The following TLN2 variants were observed in gnomAD, a reference collection of about 807,000 sequenced individuals.
TLN2 encodes the protein talin 2.
In TLN2, 118 loss-of-function variants were observed where a neutral mutation model predicts 294.7. That is an observed-to-expected ratio of 0.40 (90% CI 0.34 to 0.47). The LOEUF is 0.47. TLN2 is among the 20% of genes least tolerant of loss of function. The pLI, the probability that TLN2 is intolerant of heterozygous loss-of-function variation, is 0.84. For synonymous variants in TLN2, 1,431 were observed against 1,304.5 expected, an observed-to-expected ratio of 1.10 and a Z score of -2.09; for missense variants, 3,083 against 3,282.2, an observed-to-expected ratio of 0.94 and a Z score of 1.48.
intron 30 of TLN2, among the ~76,000 whole-genome samples, chr15:62,738,986 C>T (rs1046656246): frequency 6.6e-6 from 1 of 152,174 alleles, no homozygotes; most frequent in Non-Finnish European, 1.5e-5. Context: ...TAAAACTTAG[C>T]TTTCATCTTA....
intron 1 of TLN2, among the ~76,000 whole-genome samples, chr15:62,569,879 G>C (rs2043721535): frequency 6.6e-6 from 1 of 152,204 alleles, no homozygotes; most frequent in Non-Finnish European, 1.5e-5. Context: ...TTATATTTCA[G>C]GGTTAATAAT....
chr15:62,560,808 C>T (rs1325676916), intron 1 of TLN2, among the ~76,000 whole-genome samples: 1 of 152,234 alleles, frequency 6.6e-6, no homozygotes, highest in African/African-American at 2.4e-5. Context: ...GAGGGCAGCT[C>T]TGCAGGTGAT....
intron 54 of TLN2, among the ~76,000 whole-genome samples, chr15:62,825,832 ATATAATATATATAAATATATTATAT>A (rs2068100895): frequency 1.5e-4 from 1 of 6,560 alleles, no homozygotes; most frequent in Admixed American, 4.7e-3. Context: ...ATATTATAAT[ATATAATATATATAAATATATTATAT>A]ATATATATAT....
chr15:62,677,806 C>CTTTTTTTTTTTTT (rs3055781), intron 11 of TLN2, among the ~76,000 whole-genome samples: 31,645 of 74,020 alleles, frequency 0.43, 12,255 homozygotes, highest in Non-Finnish European at 0.55. Context: ...GCACTTGCAA[C>CTTTTTTTTTTTTT]TTTTTTTTTT....
chr15:62,668,807 C>G (rs2055044182), intron 9 of TLN2, among the ~76,000 whole-genome samples: 1 of 152,174 alleles, frequency 6.6e-6, no homozygotes, highest in African/African-American at 2.4e-5. Flanking sequence ...GCACCTGAAA[C>G]AGGGTTTGGC....
At chr15:62,717,534 A>G (rs938983) in intron 23 of TLN2, 42 bp from the exon 24 acceptor site, 1,178,344 of 1,367,300 alleles carry the variant, frequency 0.86, 512,051 homozygotes, top group East Asian at 0.96. Context: ...ATGCATGTAT[A>G]TTGCATATGC....
intron 2 of TLN2, among the ~76,000 whole-genome samples, chr15:62,599,330 G>T (rs1034144884): frequency 1.3e-5 from 2 of 152,290 alleles, no homozygotes; most frequent in East Asian, 3.9e-4. Flanking sequence ...GTGATAAGCA[G>T]TCCGAGGTTA....
intron 3 of TLN2, among the ~76,000 whole-genome samples, chr15:62,620,624 G>A (rs2048718429): frequency 6.6e-6 from 1 of 151,786 alleles, no homozygotes; most frequent in Admixed American, 6.6e-5. Flanking sequence ...CACTACAGGA[G>A]TGTGCCACCA....
At chr15:62,837,083 C>T (rs934927880) in intron 57 of TLN2, among the ~76,000 whole-genome samples, 1 of 152,112 alleles carries the variant, frequency 6.6e-6, no homozygotes, top group South Asian at 2.1e-4. Context: ...TGTAGATTGT[C>T]TGTATTGCTA....
intron 43 of TLN2, among the ~76,000 whole-genome samples, chr15:62,779,262 C>T (rs185697795): frequency 2.4e-4 from 36 of 152,256 alleles, no homozygotes; most frequent in South Asian, 4.1e-4. Context: ...TTCAAGCTCT[C>T]GGGACGTTGA....
chr15:62,416,731 C>T (rs997700299), intron 1 of TLN2, among the ~76,000 whole-genome samples: 1 of 152,168 alleles, frequency 6.6e-6, no homozygotes, highest in Non-Finnish European at 1.5e-5. Flanking sequence ...TGCCCCTTTG[C>T]CCAGAGGAGG....
chr15:62,799,123 C>G (rs900095538), intron 48 of TLN2, among the ~76,000 whole-genome samples: 1 of 152,170 alleles, frequency 6.6e-6, no homozygotes, highest in South Asian at 2.1e-4. Context: ...GACCCAGAGC[C>G]ACGCACACAG....
intron 22 of TLN2, among the ~76,000 whole-genome samples, chr15:62,714,463 A>G (rs1207117614): frequency 6.6e-6 from 1 of 151,976 alleles, no homozygotes; most frequent in African/African-American, 2.4e-5. Flanking sequence ...CGGCCTCCCA[A>G]AGTGCTGGGA....
At position 62,736,947 on chromosome 15, in the gene TLN2, C is replaced by G. The variant is rs77211356; in HGVS notation, c.3428C>G (p.Ser1143Trp). The G allele has an allele frequency of 3.1e-6, 5 of 1,614,068 alleles. No homozygotes were observed. Among genetic ancestry groups the G allele is most frequent in the African/African-American group, 2.7e-5 (2 of 74,924 alleles). The stretch of plus-strand genomic sequence containing the variant: ...CAGGCCGCCCGTGGAGTGGCTGCAT[C>G]GACAACCGACCCCGCGGCCGCCCAT... ...LAQAARGVAA[S>W]TTDPAAAHAM... Residue 1143 changes from serine (S) to tryptophan (W), a missense_variant, in exon 29 of 59, where the codon TCG (serine) becomes TGG (tryptophan). Ser to Trp is a radical substitution (Grantham distance 177). Transcript: ENST00000636159.
chr15:62,803,153 C>T (rs990810862), intron 50 of TLN2, among the ~76,000 whole-genome samples: 3 of 152,082 alleles, frequency 2.0e-5, no homozygotes, highest in Non-Finnish European at 4.4e-5. Context: ...CCCCTCTCTC[C>T]TGGCCTGTAA....
At position 62,696,271 on chromosome 15, in the gene TLN2, C is replaced by T. The variant is rs553245033; in HGVS notation, c.1293-1417C>T. Among the ~76,000 whole-genome samples, 112 of 152,298 alleles carry T rather than the reference C, an allele frequency of 7.4e-4. 1 individual carries two copies. The highest frequency in any genetic ancestry group is 1.4e-3 in the Non-Finnish European group (94 of 68,024). Reference sequence around the variant, plus strand: ...TGCAGCTGCACCTCCACCTTCCTTCCGCCTCACAACACACACAGACCCTGT... The same window carrying T: ...TGCAGCTGCACCTCCACCTTCCTTCTGCCTCACAACACACACAGACCCTGT... On this transcript the variant is annotated intron_variant, in intron 14 of 58. Coordinates refer to ENST00000636159, the MANE Select transcript of TLN2 (RefSeq NM_015059.3).
intron 1 of TLN2, among the ~76,000 whole-genome samples, chr15:62,490,370 C>T (rs1320931106): frequency 6.6e-6 from 1 of 152,160 alleles, no homozygotes; most frequent in Non-Finnish European, 1.5e-5. Context: ...CTCTATGTGA[C>T]TTGGGATACA....
intron 1 of TLN2, among the ~76,000 whole-genome samples, chr15:62,404,573 T>G (rs773039312): frequency 6.6e-6 from 1 of 152,144 alleles, no homozygotes; most frequent in African/African-American, 2.4e-5. Context: ...AAATTAAATC[T>G]CCTCTTCTTT....
At chr15:62,768,631 A>G (rs2141041252) in intron 41 of TLN2, among the ~76,000 whole-genome samples, 1 of 152,286 alleles carries the variant, frequency 6.6e-6, no homozygotes, top group Admixed American at 6.5e-5. Flanking sequence ...TTATGTACCA[A>G]ATACTCAAAA....
Sources: gnomAD v4.1 joint callset for allele counts (sites outside exome capture counted in the v4.1 genomes callset) on GRCh38, gnomAD v4.1.1 for gene constraint, MANE v1.5 for transcripts, NCBI Gene and HGNC (gene_info 2026-07-23, HGNC 2026-07-21) for gene names.